Variants in DPYSL2 observed in about 807,000 individuals in gnomAD.
DPYSL2 encodes dihydropyrimidinase-related protein 2.
A neutral mutation model predicts 69.9 loss-of-function variants in DPYSL2; 13 were observed. The ratio of observed to expected loss-of-function variants is 0.19; its 90% CI spans 0.12 to 0.30. The LOEUF is 0.30. Ranked by LOEUF, DPYSL2 falls within the 10% of genes least tolerant of loss-of-function variation. DPYSL2 has a pLI of 1.00. For synonymous variants in DPYSL2, 326 were observed against 359.1 expected, an observed-to-expected ratio of 0.91 and a Z score of 1.04; for missense variants, 587 against 918.9, an observed-to-expected ratio of 0.64 and a Z score of 4.67.
In DPYSL2 at chr8:26,593,756, A is replaced by G. The variant is rs1317878478; in HGVS notation, c.628+9773A>G. 6.6e-6 allele frequency among the ~76,000 whole-genome samples: 1 copy of G among 152,060 alleles called. No individual in the cohort carries two copies. On this transcript the variant is annotated intron_variant, in intron 3 of 13. Transcript: ENST00000521913. The surrounding 1 kb of genome is among the most constrained non-coding windows in gnomAD (Gnocchi z 5.7). ...AGGGTGGGTGCCGGGGGCAGAGGGG[A>G]ACTGGAATGTGGACTGCTGTCCCCA... is the stretch of plus-strand genomic sequence containing the variant.
rs1280444221 is a variant in DPYSL2 at position 26,654,032 on chromosome 8, T to C, written c.1942+635T>C. On this transcript the variant is annotated intron_variant, in intron 13 of 13. Coordinates refer to ENST00000521913, the MANE Select transcript of DPYSL2 (RefSeq NM_001197293.3). The surrounding 1 kb of genome is among the most constrained non-coding windows in gnomAD (Gnocchi z 5.0). ...ACACTGTGGTATTTCAGGACTTCTCTTCTCTCCTACAGTATATTGTAGTTT... is the reference window on the plus strand; with the variant it reads ...ACACTGTGGTATTTCAGGACTTCTCCTCTCTCCTACAGTATATTGTAGTTT... Among the ~76,000 whole-genome samples the C allele has an allele frequency of 6.6e-6, 1 of 152,208 alleles. No individual in the cohort carries two copies. Among genetic ancestry groups the C allele is most frequent in the African/African-American group, 2.4e-5 (1 of 41,450 alleles).
At chr8:26,543,261 T>C (rs1378460850) in intron 1 of DPYSL2, among the ~76,000 whole-genome samples, 1 of 152,190 alleles carries the variant, frequency 6.6e-6, no homozygotes, top group Non-Finnish European at 1.5e-5. Context: ...ACTCTTGCAG[T>C]TCAGCCAAAG....
chr8:26,545,886 G>C (rs923523321), intron 1 of DPYSL2, among the ~76,000 whole-genome samples: 1 of 152,048 alleles, frequency 6.6e-6, no homozygotes, highest in African/African-American at 2.4e-5. Flanking sequence ...TGTTTGTCTT[G>C]ACAACCATAG....
intron 1 of DPYSL2, among the ~76,000 whole-genome samples, chr8:26,521,224 G>GGTGCCTGTCTTACGTGCAA (rs1220528405): frequency 2.6e-5 from 4 of 152,192 alleles, no homozygotes; most frequent in African/African-American, 9.7e-5. Flanking sequence ...GCAAGTGCCT[G>GGTGCCTGTCTTACGTGCAA]GTCTTAAAGG....
At chr8:26,604,706 TG>T (rs1295973148) in intron 3 of DPYSL2, among the ~76,000 whole-genome samples, 1 of 151,618 alleles carries the variant, frequency 6.6e-6, no homozygotes, top group Non-Finnish European at 1.5e-5. Flanking sequence ...TAGGCTGGAG[TG>T]CATTGGTGCT....
At position 26,620,475 on chromosome 8, in the gene DPYSL2, C is replaced by T. The variant is rs756329210; in HGVS notation, c.629-3668C>T. Among the ~76,000 whole-genome samples, 66 of 152,030 alleles carry T rather than the reference C, an allele frequency of 4.3e-4. No homozygotes were observed. The highest frequency in any genetic ancestry group is 6.9e-4 in the Non-Finnish European group (47 of 67,938). ...TTCATCATGTTGCCCAGGCTGGTCTCGAACTCCTGGCCTCAAGTGATCTTT... is the reference window on the plus strand; with the variant it reads ...TTCATCATGTTGCCCAGGCTGGTCTTGAACTCCTGGCCTCAAGTGATCTTT... On this transcript the variant is annotated intron_variant, in intron 3 of 13. Coordinates refer to ENST00000521913, the MANE Select transcript of DPYSL2 (RefSeq NM_001197293.3). This position sits in a 1 kb window ranked among gnomAD's most constrained non-coding sequence, Gnocchi z 4.5.
In DPYSL2 at chr8:26,588,639, G is replaced by A. The variant is rs1158175115; in HGVS notation, c.628+4656G>A. Reference sequence around the variant, plus strand: ...GACTGGACTCTAGCAGGGAGGAGGAGGGGAGGTGCTGCTGCCGCAGGGCTG... The same window carrying A: ...GACTGGACTCTAGCAGGGAGGAGGAAGGGAGGTGCTGCTGCCGCAGGGCTG... On this transcript the variant is annotated intron_variant, in intron 3 of 13. Coordinates refer to ENST00000521913, the MANE Select transcript of DPYSL2 (RefSeq NM_001197293.3). This position sits in a 1 kb window ranked among gnomAD's most constrained non-coding sequence, Gnocchi z 5.4. Among the ~76,000 whole-genome samples, 1 of 152,088 alleles carries A rather than the reference G, an allele frequency of 6.6e-6. No homozygotes were observed.
At chr8:26,592,198 A>G (rs1249221002) in intron 3 of DPYSL2, among the ~76,000 whole-genome samples, 1 of 152,194 alleles carries the variant, frequency 6.6e-6, no homozygotes, top group African/African-American at 2.4e-5. Flanking sequence ...GTCTCACTCT[A>G]TCACCCAGGC....
intron 3 of DPYSL2, among the ~76,000 whole-genome samples, chr8:26,613,714 G>A (rs1255007837): frequency 6.6e-6 from 1 of 152,208 alleles, no homozygotes. Flanking sequence ...GGAGCCCCAT[G>A]CCTGCCAGCC....
intron 1 of DPYSL2, chr8:26,577,802 C>T: frequency 2.0e-6 from 2 of 993,430 alleles, no homozygotes; most frequent in Non-Finnish European, 2.4e-6. Flanking sequence ...CGCCGCGCCC[C>T]GCCCCACCGG....
chr8:26,635,116 T>C (rs533494823), intron 8 of DPYSL2, among the ~76,000 whole-genome samples: 2 of 152,342 alleles, frequency 1.3e-5, no homozygotes, highest in African/African-American at 4.8e-5. Context: ...TTTAAAGCCA[T>C]GTGCACGCCA....
rs1801126566 is a variant in DPYSL2, at chr8:26,564,997, C to T, written c.355-16972C>T. ...GCCTTTGTGTATTCATAGCTTAGCT[C>T]CCTCTTATAAGTGAGAACATACAGT... On this transcript the variant is annotated intron_variant, in intron 1 of 13. Transcript: ENST00000521913. This position sits in a 1 kb window ranked among gnomAD's most constrained non-coding sequence, Gnocchi z 4.8. Among the ~76,000 whole-genome samples, 1 of 152,102 alleles carries T rather than the reference C, an allele frequency of 6.6e-6. No homozygotes were observed. The highest frequency in any genetic ancestry group is 1.5e-5 in the Non-Finnish European group (1 of 68,026).
chr8:26,566,515 G>A (rs552522387), intron 1 of DPYSL2, among the ~76,000 whole-genome samples: 1 of 152,306 alleles, frequency 6.6e-6, no homozygotes, highest in African/African-American at 2.4e-5. Flanking sequence ...TGAACAGAGT[G>A]TGGTTGACAA....
intron 7 of DPYSL2, among the ~76,000 whole-genome samples, chr8:26,629,481 C>T (rs1802693933): frequency 6.6e-6 from 1 of 152,228 alleles, no homozygotes; most frequent in South Asian, 2.1e-4. Flanking sequence ...AGAATGGAAG[C>T]CGTGACATTT....
rs572408120 is a variant in DPYSL2 at position 26,535,540 on chromosome 8, G to A, written c.354+20861G>A. Among the ~76,000 whole-genome samples the A allele has an allele frequency of 1.1e-4, 17 of 151,874 alleles. No homozygotes were observed. In the South Asian group the frequency reaches 1.7e-3, roughly 15 times the overall value. On this transcript the variant is annotated intron_variant, in intron 1 of 13. Transcript: ENST00000521913. Reference sequence around the variant, plus strand: ...GAAACTTGAATTCATTTCACGGAACGTAAGTACAGAGATTGCAGTGGAAAC... The same window carrying A: ...GAAACTTGAATTCATTTCACGGAACATAAGTACAGAGATTGCAGTGGAAAC...
chr8:26,602,997 C>A (rs2034040), intron 3 of DPYSL2, among the ~76,000 whole-genome samples: 5 of 151,950 alleles, frequency 3.3e-5, no homozygotes, highest in Admixed American at 3.3e-4. Flanking sequence ...GAGTGTCCAC[C>A]CAAGAGAGAG....
intron 1 of DPYSL2, among the ~76,000 whole-genome samples, chr8:26,536,929 C>T (rs571345011): frequency 6.6e-6 from 1 of 152,142 alleles, no homozygotes; most frequent in African/African-American, 2.4e-5. Context: ...TACATCTTGA[C>T]TCGGCCACCA....
At chr8:26,554,589 C>T (rs554660793) in intron 1 of DPYSL2, among the ~76,000 whole-genome samples, 1 of 152,222 alleles carries the variant, frequency 6.6e-6, no homozygotes, top group South Asian at 2.1e-4. Flanking sequence ...GAAATCTTTG[C>T]CCGTTCCTAT....
Position 26,641,517 on chromosome 8 carries a change from T to TATAA in DPYSL2, c.1127-1920_1127-1917dup, listed in dbSNP as rs1174793466. On this transcript the variant is annotated intron_variant, in intron 8 of 13. Transcript: ENST00000521913. The surrounding 1 kb of genome is among the most constrained non-coding windows in gnomAD (Gnocchi z 4.1). ...GGGTCCTGCCCAGCCATTTGCATTTTATAAAGGTCTTTGGCAGCGGCCAAG... is the reference window on the plus strand; with the variant it reads ...GGGTCCTGCCCAGCCATTTGCATTTTATAAATAAAGGTCTTTGGCAGCGGCCAAG... Among the ~76,000 whole-genome samples the TATAA allele has an allele frequency of 6.6e-6, 1 of 152,238 alleles. No homozygotes were observed. The highest frequency in any genetic ancestry group is 1.5e-5 in the Non-Finnish European group (1 of 68,038).
Sources: gnomAD v4.1 joint callset for allele counts (sites outside exome capture counted in the v4.1 genomes callset) on GRCh38, gnomAD v4.1.1 for gene constraint, Gnocchi (gnomAD v3.1) non-coding constraint, MANE v1.5 for transcripts, NCBI Gene and HGNC (gene_info 2026-07-23, HGNC 2026-07-21) for gene names.